PLA2G4C: variants seen among roughly 807,000 people sequenced by gnomAD.
The protein encoded by PLA2G4C is phospholipase A2 group IVC.
In PLA2G4C, 64 loss-of-function variants were observed where a neutral mutation model predicts 73.8. The ratio of observed to expected loss-of-function variants is 0.87; its 90% confidence interval spans 0.71 to 1.07. The LOEUF (loss-of-function observed/expected upper bound fraction) is 1.07, where lower values mean the gene tolerates loss of function less well. PLA2G4C is among the 50% of genes least tolerant of loss of function. The probability of loss-of-function intolerance (pLI) is 0.00; values close to 1 mark genes in which losing one functional copy is unlikely to be tolerated. For synonymous variants in PLA2G4C, 254 were observed against 252.1 expected (o/e 1.01, Z -0.07); for missense variants, 622 against 665.4 (o/e 0.93, Z 0.72).
At chr19:48,088,849 C>G in intron 8 of PLA2G4C, 137 bp from the exon 9 acceptor site, 1 of 703,602 alleles carries the variant, frequency 1.4e-6, no homozygotes. Flanking sequence ...CAGCCAATGG[C>G]TCTCGAGAGC....
intron 5 of PLA2G4C, among the ~76,000 whole-genome samples, chr19:48,099,034 A>C (rs746791962): frequency 3.1e-4 from 47 of 152,152 alleles, no homozygotes; most frequent in Admixed American, 1.3e-3. Context: ...CAGTAGTTGG[A>C]GGATTGCTTG....
intron 13 of PLA2G4C, among the ~76,000 whole-genome samples, chr19:48,067,378 AG>A (rs1395804070): frequency 6.6e-6 from 1 of 151,966 alleles, no homozygotes; most frequent in Admixed American, 6.6e-5. Context: ...ATGTTGGCCA[AG>A]CTAGTCTTGA....
At chr19:48,058,697 A>C (rs1025433044) in intron 14 of PLA2G4C, among the ~76,000 whole-genome samples, 1 of 151,892 alleles carries the variant, frequency 6.6e-6, no homozygotes, top group East Asian at 2.0e-4. Context: ...GGGCGCCTGT[A>C]ATCCCAGCTA....
Position 48,104,614 on chromosome 19 carries a change from G to A in PLA2G4C, c.231C>T (p.Tyr77=). The part of the protein sequence containing the change: ...KEQGLLDAVT[Y]LAGVSGSTWA... ...AAGTGGATCCAGAGACCCCTGCGAG[G>A]TACGTGACGGCATCCAACAGGCCCT... is the stretch of plus-strand genomic sequence containing the variant. The change falls in exon 4 of 17, where the codon TAC becomes TAT. Residue 77 remains tyrosine, a synonymous_variant. Coordinates refer to ENST00000599921, the MANE Select transcript of PLA2G4C (RefSeq NM_003706.3). The A allele has an allele frequency of 6.2e-7, 1 of 1,614,104 alleles. No homozygotes were observed. Among genetic ancestry groups the A allele is most frequent in the Non-Finnish European group, 8.5e-7 (1 of 1,179,976 alleles).
At chr19:48,052,420 C>T (rs906161694) in intron 16 of PLA2G4C, 1 of 152,444 alleles carries the variant, frequency 6.6e-6, no homozygotes, top group Non-Finnish European at 1.5e-5. Flanking sequence ...TGTAGCACTT[C>T]CCGCTTTGCT....
chr19:48,056,540 A>T (rs375187865), intron 14 of PLA2G4C, among the ~76,000 whole-genome samples: 2 of 146,406 alleles, frequency 1.4e-5, no homozygotes, highest in African/African-American at 5.1e-5. Context: ...AAGAGCAAGA[A>T]AGAGGCTGGG....
chr19:48,053,364 CTTTTTTTTTTTTTTT>C (rs1174332835), intron 15 of PLA2G4C, among the ~76,000 whole-genome samples: 1 of 100,624 alleles, frequency 9.9e-6, no homozygotes, highest in Non-Finnish European at 2.0e-5. Flanking sequence ...GTCCTTTTTT[CTTTTTTTTTTTTTTT>C]TTTTTTTGAG....
At chr19:48,105,622 CTG>C (rs896876712) in intron 2 of PLA2G4C, 178 bp from the exon 3 acceptor site, 6 of 569,784 alleles carry the variant, frequency 1.1e-5, no homozygotes, top group Non-Finnish European at 1.9e-5. Flanking sequence ...TTGTACAACA[CTG>C]TGAATGCATT....
At chr19:48,097,505 G>A (rs1208787763) in intron 6 of PLA2G4C, among the ~76,000 whole-genome samples, 1 of 151,742 alleles carries the variant, frequency 6.6e-6, no homozygotes, top group Non-Finnish European at 1.5e-5. Context: ...ACCCGCCTCG[G>A]CCTCCCAAAG....
chr19:48,099,828 T>G lies in PLA2G4C; in HGVS notation c.290A>C (p.Asp97Ala). The change falls in exon 5 of 17, where the codon GAC (aspartate) becomes GCC (alanine). Residue 97 changes from aspartate (D) to alanine (A), a missense_variant. Transcript: ENST00000599921. ...CAGGTCAGCCTCGAGAGCTTCCATG[T>G]CACCATCATTGGTGTAGAGAGAAGA... ...AISSLYTNDG[D>A]MEALEADLKH... 1 of 1,613,766 alleles carries G rather than the reference T, an allele frequency of 6.2e-7. No individual in the cohort carries two copies. Among genetic ancestry groups the G allele is most frequent in the Non-Finnish European group, 8.5e-7 (1 of 1,179,760 alleles).
At chr19:48,059,085 A>G (rs1968071415) in intron 14 of PLA2G4C, among the ~76,000 whole-genome samples, 1 of 152,028 alleles carries the variant, frequency 6.6e-6, no homozygotes. Context: ...AGCCTGGCCA[A>G]CATGGTGAAA....
intron 16 of PLA2G4C, among the ~76,000 whole-genome samples, chr19:48,050,905 G>A (rs1396489667): frequency 6.6e-6 from 1 of 151,920 alleles, no homozygotes; most frequent in African/African-American, 2.4e-5. Context: ...GAACTCCTGA[G>A]CTCAAGAGAT....
chr19:48,094,800 T>C lies in PLA2G4C; in HGVS notation c.709+664A>G, dbSNP rs559297478. ...GTTTTTGGTTTTTGTTGTAATTTTT[T>C]CTGGAAATACCCCATTTAAAAAAAA... On this transcript the variant is annotated intron_variant, in intron 7 of 16. Coordinates refer to ENST00000599921, the MANE Select transcript of PLA2G4C (RefSeq NM_003706.3). 2.6e-5 allele frequency among the ~76,000 whole-genome samples: 4 copies of C among 152,328 alleles called. No individual in the cohort carries two copies. The East Asian group carries it at 7.7e-4, about 29-fold the overall frequency.
At chr19:48,093,445 C>T (rs966639162) in intron 7 of PLA2G4C, among the ~76,000 whole-genome samples, 1 of 152,162 alleles carries the variant, frequency 6.6e-6, no homozygotes, top group Non-Finnish European at 1.5e-5. Context: ...TTTACACACC[C>T]ACCCCTAATC....
intron 7 of PLA2G4C, among the ~76,000 whole-genome samples, chr19:48,093,877 A>G (rs1203154310): frequency 5.3e-5 from 8 of 152,058 alleles, no homozygotes; most frequent in Non-Finnish European, 1.5e-5. Context: ...ATGGTTTGAT[A>G]AGTGTTGGGC....
chr19:48,100,391 C>A (rs1031114282), intron 4 of PLA2G4C, among the ~76,000 whole-genome samples: 1 of 151,244 alleles, frequency 6.6e-6, no homozygotes, highest in Non-Finnish European at 1.5e-5. Context: ...TGGTGGCATG[C>A]GTGGTGGTGG....
chr19:48,087,563 G>C (rs1478508144), intron 9 of PLA2G4C, among the ~76,000 whole-genome samples: 1 of 152,192 alleles, frequency 6.6e-6, no homozygotes, highest in Non-Finnish European at 1.5e-5. Flanking sequence ...TGGATCACGA[G>C]TGTGTCTGAG....
chr19:48,106,899 C>T (rs1292888638), intron 1 of PLA2G4C, among the ~76,000 whole-genome samples: 2 of 152,132 alleles, frequency 1.3e-5, no homozygotes, highest in Non-Finnish European at 2.9e-5. Flanking sequence ...GGCTGGAGTG[C>T]ATTGGCATGA....
At position 48,067,831 on chromosome 19, in the gene PLA2G4C, CT is replaced by C. The variant is rs1483150440; in HGVS notation, c.1061del (p.Lys354SerfsTer21). On this transcript the variant is annotated frameshift_variant, in exon 13 of 17. Coordinates refer to ENST00000599921, the MANE Select transcript of PLA2G4C (RefSeq NM_003706.3). LOFTEE classifies it high-confidence loss of function. The stretch of plus-strand genomic sequence containing the variant: ...AGTTGTGAGTGGTCCCCCATTCCCA[CT>C]TTGAAGCGCAAATGCCTGTTTTCTT... The part of the protein sequence containing the change: ...FVKKTGICAS[K>X]WEWGTTHNFL... 2.5e-6 allele frequency: 4 copies of C among 1,613,936 alleles called. No homozygotes were observed. The South Asian group carries it at 4.4e-5, about 18-fold the overall frequency.
Sources: gnomAD v4.1 joint callset for allele counts (sites outside exome capture counted in the v4.1 genomes callset) on GRCh38, gnomAD v4.1.1 for gene constraint, MANE v1.5 for transcripts, NCBI Gene and HGNC (gene_info 2026-07-23, HGNC 2026-07-21) for gene names.